BMAL1: variants seen among roughly 807,000 people sequenced by gnomAD.
The protein encoded by BMAL1 is basic helix-loop-helix ARNT like 1.
the BMAL1 span, among the ~76,000 whole-genome samples, chr11:13,281,187 C>T: frequency 6.6e-6 from 1 of 152,174 alleles, no homozygotes; most frequent in Admixed American, 6.5e-5. Flanking sequence ...TCCTTAGTCT[C>T]CCCTGCCCCA....
chr11:13,295,447 G>C, the BMAL1 span, among the ~76,000 whole-genome samples: 1 of 152,184 alleles, frequency 6.6e-6, no homozygotes, highest in African/African-American at 2.4e-5. Flanking sequence ...GGGAGGGCCA[G>C]AGTTGGGATA....
the BMAL1 span, among the ~76,000 whole-genome samples, chr11:13,328,523 C>G: frequency 5.3e-5 from 8 of 152,122 alleles, no homozygotes; most frequent in African/African-American, 1.2e-4. Context: ...GCCGATGGCC[C>G]CTCCACTCCC....
At chr11:13,342,493 A>G in the BMAL1 span, among the ~76,000 whole-genome samples, 1 of 152,006 alleles carries the variant, frequency 6.6e-6, no homozygotes. Context: ...TGAGGTGATA[A>G]ATGGTGTGTG....
the BMAL1 span, chr11:13,376,742 G>A: frequency 6.2e-7 from 1 of 1,611,598 alleles, no homozygotes; most frequent in Non-Finnish European, 8.5e-7. Context: ...ACTATGTGCT[G>A]CTGGGGCCCT....
chr11:13,277,330 A>G, the BMAL1 span, among the ~76,000 whole-genome samples: 1 of 152,088 alleles, frequency 6.6e-6, no homozygotes, highest in Non-Finnish European at 1.5e-5. Flanking sequence ...GGGGACCCAG[A>G]GAAGAGGGAC....
the BMAL1 span, among the ~76,000 whole-genome samples, chr11:13,332,690 GA>G: frequency 1.3e-5 from 2 of 152,128 alleles, no homozygotes; most frequent in Non-Finnish European, 2.9e-5. Context: ...TCTTGCTCTT[GA>G]ACATTTCACT....
chr11:13,278,791 C>T, the BMAL1 span, among the ~76,000 whole-genome samples: 4 of 152,240 alleles, frequency 2.6e-5, no homozygotes, highest in Admixed American at 2.0e-4. Context: ...GCTCCAGCTC[C>T]GGGTTTGACA....
the BMAL1 span, among the ~76,000 whole-genome samples, chr11:13,298,358 G>A: frequency 5.9e-5 from 9 of 152,142 alleles, no homozygotes; most frequent in African/African-American, 1.9e-4. Context: ...TGGCTAGTTA[G>A]CTCACCTTCT....
the BMAL1 span, chr11:13,378,634 G>C: frequency 4.5e-6 from 3 of 671,436 alleles, no homozygotes; most frequent in Non-Finnish European, 4.8e-6. Flanking sequence ...ACAGTAAACA[G>C]GACAGTTCCC....
the BMAL1 span, chr11:13,354,195 C>G: frequency 1.5e-5 from 10 of 684,644 alleles, no homozygotes; most frequent in African/African-American, 3.7e-5. Context: ...GGGTCTCCCC[C>G]CCCGGCCCCC....
the BMAL1 span, among the ~76,000 whole-genome samples, chr11:13,323,899 G>A: frequency 1.5e-4 from 23 of 152,234 alleles, no homozygotes; most frequent in Non-Finnish European, 1.5e-5. Flanking sequence ...TTATAGGCAT[G>A]AGCCACTGCA....
chr11:13,290,971 G>A, the BMAL1 span, among the ~76,000 whole-genome samples: 2 of 152,106 alleles, frequency 1.3e-5, no homozygotes, highest in African/African-American at 2.4e-5. Context: ...AGCTTATGAC[G>A]GACATCCTCC....
chr11:13,292,532 GCGAGACTCCATC>G, the BMAL1 span, among the ~76,000 whole-genome samples: 1 of 146,454 alleles, frequency 6.8e-6, no homozygotes, highest in Non-Finnish European at 1.5e-5. Context: ...GGGCGACAGA[GCGAGACTCCATC>G]TCAAAAAAAA....
At chr11:13,384,402 A>C in the BMAL1 span, among the ~76,000 whole-genome samples, 1 of 152,238 alleles carries the variant, frequency 6.6e-6, no homozygotes, top group Non-Finnish European at 1.5e-5. Flanking sequence ...AAGGTATTTC[A>C]AAATCATGTA....
chr11:13,342,285 T>G, the BMAL1 span, among the ~76,000 whole-genome samples: 1 of 152,120 alleles, frequency 6.6e-6, no homozygotes, highest in Non-Finnish European at 1.5e-5. Context: ...CAGAGACCAC[T>G]CATAAGAAAA....
At chr11:13,345,881 T>G in the BMAL1 span, among the ~76,000 whole-genome samples, 1 of 152,230 alleles carries the variant, frequency 6.6e-6, no homozygotes, top group Non-Finnish European at 1.5e-5. Context: ...TCTTCCTGCC[T>G]GTGTCTGTCA....
At chr11:13,334,532 T>TC in the BMAL1 span, among the ~76,000 whole-genome samples, 3 of 151,408 alleles carry the variant, frequency 2.0e-5, no homozygotes, top group Non-Finnish European at 4.4e-5. Flanking sequence ...CTTGATGTTT[T>TC]TTTTTTTTTT....
At chr11:13,369,947 C>G in the BMAL1 span, among the ~76,000 whole-genome samples, 1 of 152,112 alleles carries the variant, frequency 6.6e-6, no homozygotes, top group Non-Finnish European at 1.5e-5. Flanking sequence ...GAGGAGAGAG[C>G]TGAAAAGCCT....
chr11:13,386,332 C>G, the BMAL1 span, among the ~76,000 whole-genome samples: 2 of 150,546 alleles, frequency 1.3e-5, no homozygotes, highest in African/African-American at 4.9e-5. Context: ...GCGCTTTGTA[C>G]TTATTTCTAA....
Sources: allele counts gnomAD v4.1 joint callset (sites outside exome capture counted in the v4.1 genomes callset), GRCh38; gene constraint gnomAD v4.1.1; transcripts MANE v1.5; gene names NCBI Gene and HGNC (gene_info 2026-07-23, HGNC 2026-07-21).